The following SIL1 variants were observed in gnomAD, a reference collection of about 807,000 sequenced individuals.
The protein encoded by SIL1 is SIL1 nucleotide exchange factor.
SIL1 carries 40 observed loss-of-function variants against 49.1 expected under a neutral mutation model. The ratio of observed to expected loss-of-function variants is 0.81; its 90% confidence interval spans 0.63 to 1.06. The LOEUF is 1.06. Ranked by LOEUF, SIL1 falls within the 50% of genes least tolerant of loss-of-function variation. The pLI is 0.00. For missense variants in SIL1, 500 were observed against 572.6 expected (o/e 0.87, Z 1.29); for synonymous variants, 253 against 250.8 (o/e 1.01, Z -0.08).
At chr5:139,055,807 ATTG>A (rs1437574937) in intron 3 of SIL1, among the ~76,000 whole-genome samples, 61,681 of 144,550 alleles carry the variant, frequency 0.43, 13,696 homozygotes, top group African/African-American at 0.58. Context: ...AGTGCCTGCG[ATTG>A]CAGGCACGCG....
chr5:139,026,735 T>C, intron 6 of SIL1, 66 bp downstream of exon 6: 1 of 1,429,436 alleles, frequency 7.0e-7, no homozygotes, highest in Non-Finnish European at 9.9e-7. Flanking sequence ...TTCTTAGGGC[T>C]TAGGGAAGGG....
intron 3 of SIL1, among the ~76,000 whole-genome samples, chr5:139,065,711 C>T (rs1769689519): frequency 6.6e-6 from 1 of 152,194 alleles, no homozygotes; most frequent in Admixed American, 6.5e-5. Context: ...CCCCCAACTG[C>T]ACCCCCATAC....
Position 139,011,278 on chromosome 5 carries a change from C to T in SIL1, c.767+9893G>A, listed in dbSNP as rs1768264059. ...GACTCGGAAAGGGAACTCCCTGACC[C>T]CTTGCGCTTCCCAGGTGAGGCAATG... On this transcript the variant is annotated intron_variant, in intron 7 of 9. Coordinates refer to ENST00000394817, the MANE Select transcript of SIL1 (RefSeq NM_022464.5). Among the ~76,000 whole-genome samples the T allele has an allele frequency of 2.6e-5, 4 of 152,064 alleles. No homozygotes were observed. In the South Asian group the frequency reaches 6.2e-4, roughly 24 times the overall value.
chr5:139,064,482 C>A (rs1041987575), intron 3 of SIL1, among the ~76,000 whole-genome samples: 1 of 152,188 alleles, frequency 6.6e-6, no homozygotes, highest in African/African-American at 2.4e-5. Flanking sequence ...TCCTTGTCCA[C>A]CTCCCATTGG....
At chr5:139,170,015 T>C (rs948214963) in intron 1 of SIL1, among the ~76,000 whole-genome samples, 3 of 152,220 alleles carry the variant, frequency 2.0e-5, no homozygotes, top group Non-Finnish European at 4.4e-5. Context: ...TACAGGCGCG[T>C]GCTGCCACGC....
At chr5:139,120,869 G>C (rs1318898121) in intron 3 of SIL1, among the ~76,000 whole-genome samples, 166 bp downstream of exon 3, 1 of 152,188 alleles carries the variant, frequency 6.6e-6, no homozygotes, top group African/African-American at 2.4e-5. Context: ...GCTGGAAAAC[G>C]AAGGTCCCTG....
In SIL1 at chr5:139,112,239, G is replaced by T. The variant is rs1356250519; in HGVS notation, c.244+8796C>A. Among the ~76,000 whole-genome samples the T allele has an allele frequency of 2.0e-5, 3 of 152,354 alleles. No homozygotes were observed. The South Asian group carries it at 6.2e-4, about 32-fold the overall frequency. On this transcript the variant is annotated intron_variant, in intron 3 of 9. Coordinates refer to ENST00000394817, the MANE Select transcript of SIL1 (RefSeq NM_022464.5). Reference sequence around the variant, plus strand: ...GCCTGCCTTGGCCTCCCAAAGTGCCGAGATTGCAGCCTCTGCCCGGCCGCC... The same window carrying T: ...GCCTGCCTTGGCCTCCCAAAGTGCCTAGATTGCAGCCTCTGCCCGGCCGCC...
intron 3 of SIL1, among the ~76,000 whole-genome samples, chr5:139,056,015 TC>T (rs1769410813): frequency 6.6e-6 from 1 of 151,726 alleles, no homozygotes; most frequent in South Asian, 2.1e-4. Flanking sequence ...TGATCTCGGC[TC>T]GCTACAACCT....
chr5:138,966,519 T>C (rs965364943), intron 7 of SIL1, among the ~76,000 whole-genome samples: 2 of 151,862 alleles, frequency 1.3e-5, no homozygotes, highest in African/African-American at 4.8e-5. Flanking sequence ...AGGGGGGTGG[T>C]GACTTTCCAA....
intron 3 of SIL1, among the ~76,000 whole-genome samples, chr5:139,051,901 C>G (rs936558368): frequency 6.6e-6 from 1 of 152,226 alleles, no homozygotes; most frequent in African/African-American, 2.4e-5. Context: ...TTCATTCATT[C>G]ATGAAACTGC....
At chr5:139,029,273 G>C (rs904070101) in intron 5 of SIL1, among the ~76,000 whole-genome samples, 1 of 152,210 alleles carries the variant, frequency 6.6e-6, no homozygotes, top group South Asian at 2.1e-4. Context: ...CACTGCCACT[G>C]TTGATGAGCT....
At chr5:138,991,985 G>A (rs906398094) in intron 7 of SIL1, among the ~76,000 whole-genome samples, 5 of 152,210 alleles carry the variant, frequency 3.3e-5, no homozygotes, top group African/African-American at 9.6e-5. Flanking sequence ...CTGCCAAAGG[G>A]CAGAAGCCTG....
intron 3 of SIL1, among the ~76,000 whole-genome samples, chr5:139,063,537 G>A (rs1465989991): frequency 6.6e-6 from 1 of 152,120 alleles, no homozygotes; most frequent in Admixed American, 6.5e-5. Flanking sequence ...AGCTCTTCCG[G>A]CTCTCTAATC....
intron 1 of SIL1, among the ~76,000 whole-genome samples, chr5:139,135,204 T>C (rs756746078): frequency 6.6e-6 from 1 of 152,206 alleles, no homozygotes. Context: ...AGCCCCCAGC[T>C]GGCAAGGTGG....
chr5:139,019,398 C>T (rs1768468865), intron 7 of SIL1, among the ~76,000 whole-genome samples: 1 of 152,198 alleles, frequency 6.6e-6, no homozygotes, highest in East Asian at 1.9e-4. Flanking sequence ...CTTCCAAAAG[C>T]TCTGGCGCCA....
At chr5:139,191,610 C>A (rs62382984) in intron 1 of SIL1, among the ~76,000 whole-genome samples, 1 of 150,932 alleles carries the variant, frequency 6.6e-6, no homozygotes. Flanking sequence ...AAGCAAGACC[C>A]TGTCTCTTTA....
intron 9 of SIL1, among the ~76,000 whole-genome samples, 154 bp downstream of exon 9, chr5:138,951,016 TC>T (rs1766759165): frequency 6.6e-6 from 1 of 152,102 alleles, no homozygotes; most frequent in Non-Finnish European, 1.5e-5. Flanking sequence ...CTCCCTGACG[TC>T]CCCAATCTCT....
At chr5:138,969,690 C>T (rs1278429134) in intron 7 of SIL1, among the ~76,000 whole-genome samples, 1 of 152,156 alleles carries the variant, frequency 6.6e-6, no homozygotes, top group African/African-American at 2.4e-5. Flanking sequence ...ATACCATATA[C>T]GATCAGAAAG....
chr5:139,134,769 C>A (rs1321007147), intron 1 of SIL1, among the ~76,000 whole-genome samples: 1 of 152,200 alleles, frequency 6.6e-6, no homozygotes, highest in Non-Finnish European at 1.5e-5. Context: ...GAACTGCCAG[C>A]TGCAGGAACA....
Sources: allele counts gnomAD v4.1 joint callset (sites outside exome capture counted in the v4.1 genomes callset), GRCh38; gene constraint gnomAD v4.1.1; transcripts MANE v1.5; gene names NCBI Gene and HGNC (gene_info 2026-07-23, HGNC 2026-07-21).